The following RERE variants were observed in gnomAD, a reference collection of about 807,000 sequenced individuals.
RERE encodes arginine-glutamic acid dipeptide repeats protein.
A neutral mutation model predicts 146.1 loss-of-function variants in RERE; 40 were observed. The observed-to-expected ratio is 0.27, with a 90% CI of 0.21 to 0.36. RERE has a LOEUF of 0.36. RERE is among the 10% of genes least tolerant of loss of function. The pLI, the probability that RERE is intolerant of heterozygous loss-of-function variation, is 1.00. For missense variants in RERE, 1,933 were observed against 2,138.7 expected, an observed-to-expected ratio of 0.90 and a Z score of 1.90; for synonymous variants, 1,003 against 866.0, an observed-to-expected ratio of 1.16 and a Z score of -2.78.
intron 1 of RERE, among the ~76,000 whole-genome samples, chr1:8,779,729 C>T (rs1401811657): frequency 6.6e-6 from 1 of 151,750 alleles, no homozygotes; most frequent in Non-Finnish European, 1.5e-5. Context: ...ATTATCATAT[C>T]CTCAGTGCCT....
At chr1:8,457,253 G>C (rs1644462629) in intron 11 of RERE, among the ~76,000 whole-genome samples, 1 of 152,148 alleles carries the variant, frequency 6.6e-6, no homozygotes, top group Non-Finnish European at 1.5e-5. Context: ...CAGATCCTGA[G>C]GCCCCATGCT....
chr1:8,377,134 G>T (rs1189500179), intron 12 of RERE, among the ~76,000 whole-genome samples: 2 of 152,060 alleles, frequency 1.3e-5, no homozygotes, highest in Non-Finnish European at 2.9e-5. Context: ...AAAGATTGAG[G>T]CCACTGCAAA....
intron 1 of RERE, among the ~76,000 whole-genome samples, chr1:8,674,556 A>G (rs1190727606): frequency 6.6e-6 from 1 of 152,188 alleles, no homozygotes; most frequent in African/African-American, 2.4e-5. Flanking sequence ...GCAAGGCTTA[A>G]TCAATACCAC....
At chr1:8,422,850 A>G (rs779150413) in intron 11 of RERE, 43 bp from the exon 12 acceptor site, 3 of 1,401,250 alleles carry the variant, frequency 2.1e-6, no homozygotes, top group Non-Finnish European at 3.0e-6. Flanking sequence ...ACCAAAAACA[A>G]AACAGGATGT....
intron 7 of RERE, among the ~76,000 whole-genome samples, chr1:8,534,943 G>T (rs1645705686): frequency 1.3e-5 from 2 of 152,076 alleles, no homozygotes; most frequent in South Asian, 4.1e-4. Flanking sequence ...CACCATAAAT[G>T]CAAACTGAGG....
intron 1 of RERE, among the ~76,000 whole-genome samples, chr1:8,706,608 C>G (rs1285267308): frequency 2.6e-5 from 4 of 152,208 alleles, no homozygotes; most frequent in African/African-American, 9.7e-5. Context: ...ACTAGTTTGT[C>G]TTCAAAGCTT....
At chr1:8,616,254 T>C (rs1646851713) in intron 3 of RERE, among the ~76,000 whole-genome samples, 1 of 152,182 alleles carries the variant, frequency 6.6e-6, no homozygotes, top group Admixed American at 6.5e-5. Context: ...AACATGCAAA[T>C]AGTTCAAGTA....
At chr1:8,380,144 G>A (rs1642396129) in intron 12 of RERE, among the ~76,000 whole-genome samples, 1 of 152,142 alleles carries the variant, frequency 6.6e-6, no homozygotes, top group South Asian at 2.1e-4. Flanking sequence ...TTTATGCTGG[G>A]ATTGGTCTGT....
In RERE at chr1:8,364,723, A is replaced by G. The variant is rs2124376303; in HGVS notation, c.1540+23T>C. On this transcript the variant is annotated intron_variant, in intron 14 of 22. Transcript: ENST00000400908. The surrounding 1 kb of genome is among the most constrained non-coding windows in gnomAD (Gnocchi z 5.1). ...AGTGCTTGTGCCCCCGCCCCGCCCCAGGAGCGTGACGAGGCCACTTACTGG... is the reference window on the plus strand; with the variant it reads ...AGTGCTTGTGCCCCCGCCCCGCCCCGGGAGCGTGACGAGGCCACTTACTGG... 1 of 1,580,592 alleles carries G rather than the reference A, an allele frequency of 6.3e-7. No individual in the cohort carries two copies. Among genetic ancestry groups the G allele is most frequent in the Non-Finnish European group, 8.7e-7 (1 of 1,149,576 alleles).
chr1:8,499,569 T>C (rs1645101554), intron 8 of RERE, among the ~76,000 whole-genome samples: 2 of 152,224 alleles, frequency 1.3e-5, no homozygotes, highest in Non-Finnish European at 2.9e-5. Context: ...TAAAAGTTTG[T>C]GGTTTTAAAT....
At chr1:8,530,743 C>T (rs1160784089) in intron 7 of RERE, among the ~76,000 whole-genome samples, 2 of 137,286 alleles carry the variant, frequency 1.5e-5, no homozygotes, top group African/African-American at 2.8e-5. Flanking sequence ...GGACTGCGGA[C>T]TGCAGTGGCG....
Position 8,508,535 on chromosome 1 carries a change from C to G in RERE, c.879+92G>C. ...TATAAAAAATTCCCGATAGCAATAA[C>G]CACATTCTAAGATGCTGCGCAACAG... On this transcript the variant is annotated intron_variant, in intron 8 of 22. Coordinates refer to ENST00000400908, the MANE Select transcript of RERE (RefSeq NM_001042681.2). 7.0e-6 allele frequency: 7 copies of G among 999,208 alleles called. No homozygotes were observed. In the Admixed American group the frequency reaches 1.4e-4, roughly 21 times the overall value. 61.9% of individuals were successfully genotyped at this position (999,208 alleles called of 1,614,324 possible).
intron 1 of RERE, among the ~76,000 whole-genome samples, chr1:8,794,244 A>G (rs1175129053): frequency 4.0e-5 from 6 of 151,100 alleles, no homozygotes; most frequent in Non-Finnish European, 1.5e-5. Flanking sequence ...CTAAAAATAC[A>G]AAAGTAAAGT....
At position 8,555,611 on chromosome 1, in the gene RERE, CA is replaced by C. The variant is rs879480178; in HGVS notation, c.725+863del. ...GTTAAAACCATATTACAGTACTTAACAAAAAAAAAGTAGTCTTTCACCACTT... is the reference window on the plus strand; with the variant it reads ...GTTAAAACCATATTACAGTACTTAACAAAAAAAAGTAGTCTTTCACCACTT... On this transcript the variant is annotated intron_variant, in intron 6 of 22. Coordinates refer to ENST00000400908, the MANE Select transcript of RERE (RefSeq NM_001042681.2). Among the ~76,000 whole-genome samples, 17 of 150,526 alleles carry C rather than the reference CA, an allele frequency of 1.1e-4. No individual in the cohort carries two copies. The East Asian group carries it at 3.1e-3, about 28-fold the overall frequency.
At chr1:8,601,442 A>G (rs1646624056) in intron 4 of RERE, among the ~76,000 whole-genome samples, 2 of 152,152 alleles carry the variant, frequency 1.3e-5, no homozygotes, top group African/African-American at 4.8e-5. Context: ...ACCCCCTTCC[A>G]GGGAGTGGGG....
intron 8 of RERE, among the ~76,000 whole-genome samples, chr1:8,500,771 C>T (rs1178362756): frequency 1.3e-5 from 2 of 151,770 alleles, no homozygotes; most frequent in Non-Finnish European, 2.9e-5. Flanking sequence ...CGAGGAGCGC[C>T]TCTTCCCCGC....
intron 1 of RERE, among the ~76,000 whole-genome samples, chr1:8,764,691 C>A (rs994573004): frequency 3.3e-5 from 5 of 152,026 alleles, no homozygotes; most frequent in African/African-American, 1.2e-4. Flanking sequence ...ACGTAATTCA[C>A]CCAGATTTCT....
chr1:8,634,306 C>T (rs957216980), intron 2 of RERE, among the ~76,000 whole-genome samples: 4 of 152,212 alleles, frequency 2.6e-5, no homozygotes, highest in African/African-American at 9.7e-5. Flanking sequence ...TATCACTTCC[C>T]TAAATGAGAG....
At chr1:8,492,255 A>G (rs1055896910) in intron 10 of RERE, among the ~76,000 whole-genome samples, 13 of 152,218 alleles carry the variant, frequency 8.5e-5, no homozygotes, top group African/African-American at 2.9e-4. Flanking sequence ...ACAAAGAACC[A>G]TGGGCAAAAG....
Sources: gnomAD v4.1 joint callset for allele counts (sites outside exome capture counted in the v4.1 genomes callset) on GRCh38, gnomAD v4.1.1 for gene constraint, Gnocchi (gnomAD v3.1) non-coding constraint, MANE v1.5 for transcripts, NCBI Gene and HGNC (gene_info 2026-07-23, HGNC 2026-07-21) for gene names.